Variants in SFTPB observed in about 807,000 individuals in gnomAD.
SFTPB encodes the protein surfactant protein B, also known as pulmonary surfactant-associated protein B.
Under a neutral mutation model 51.0 loss-of-function variants are expected in SFTPB, and 32 were observed. That is an observed-to-expected ratio of 0.63 (90% CI 0.47 to 0.84). SFTPB has a LOEUF of 0.84. Ranked by LOEUF, SFTPB falls within the 40% of genes least tolerant of loss-of-function variation. The pLI, the probability that SFTPB is intolerant of heterozygous loss-of-function variation, is 0.00. For synonymous variants in SFTPB, 211 were observed against 208.5 expected, an observed-to-expected ratio of 1.01 and a Z score of -0.10; for missense variants, 431 against 491.2, an observed-to-expected ratio of 0.88 and a Z score of 1.16.
Position 85,665,324 on chromosome 2 carries a change from C to T in SFTPB, c.637G>A (p.Ala213Thr). 1.9e-6 allele frequency: 3 copies of T among 1,614,052 alleles called. No individual in the cohort carries two copies. Among genetic ancestry groups the T allele is most frequent in the South Asian group, 1.1e-5 (1 of 91,078 alleles). ...ATGGCTTGGATCCGCTTGATCAGAG[C>T]CCTGCAGAGCCAGCAATAGGGGAGA... ...IPLPYCWLCR[A>T]LIKRIQAMIP... Residue 213 changes from alanine to threonine, a missense_variant, in exon 6 of 11, where the codon GCT becomes ACT. Coordinates refer to ENST00000519937, the MANE Select transcript of SFTPB (RefSeq NM_000542.5).
chr2:85,663,916 C>T, intron 6 of SFTPB, 69 bp from the exon 7 acceptor site: 3 of 1,411,834 alleles, frequency 2.1e-6, no homozygotes, highest in Non-Finnish European at 2.9e-6. Flanking sequence ...CTGCCCAGCA[C>T]CCAGCTGGGC....
chr2:85,663,817 A>ACACCTG lies in SFTPB; in HGVS notation c.697_702dup (p.Gln233_Val234dup), dbSNP rs1558574809. ...CCCGCCACCAGAGGTACCACGCGGC[A>ACACCTG]CACCTGGGCCACTGCCACAGCTAGC... On this transcript the variant is annotated inframe_insertion, in exon 7 of 11. Coordinates refer to ENST00000519937, the MANE Select transcript of SFTPB (RefSeq NM_000542.5). 6.3e-7 allele frequency: 1 copy of ACACCTG among 1,596,740 alleles called. No individual in the cohort carries two copies. Among genetic ancestry groups the ACACCTG allele is most frequent in the South Asian group, 1.1e-5 (1 of 88,846 alleles).
intron 6 of SFTPB, among the ~76,000 whole-genome samples, chr2:85,664,645 A>G (rs1677480956): frequency 6.6e-6 from 1 of 152,196 alleles, no homozygotes; most frequent in South Asian, 2.1e-4. Context: ...TATTCTTAGT[A>G]GAGACGGGGT....
intron 6 of SFTPB, among the ~76,000 whole-genome samples, chr2:85,665,064 G>T (rs1378966979): frequency 6.6e-6 from 1 of 152,162 alleles, no homozygotes; most frequent in Non-Finnish European, 1.5e-5. Flanking sequence ...ATACAGTGGG[G>T]GCTTAATGTT....
chr2:85,662,184 A>C, intron 8 of SFTPB, 75 bp from the exon 9 acceptor site: 1 of 1,555,892 alleles, frequency 6.4e-7, no homozygotes, highest in Non-Finnish European at 8.7e-7. Context: ...GCCTCTCCAC[A>C]TCTCTGGATC....
At chr2:85,660,286 T>TA (rs1677221395) in intron 10 of SFTPB, among the ~76,000 whole-genome samples, 1 of 123,774 alleles carries the variant, frequency 8.1e-6, no homozygotes, top group East Asian at 2.2e-4. Context: ...CACATCTGGC[T>TA]AATTTTTTTT....
At chr2:85,665,842 C>G in intron 4 of SFTPB, 48 bp from the exon 5 acceptor site, 1 of 1,587,984 alleles carries the variant, frequency 6.3e-7, no homozygotes, top group Non-Finnish European at 8.6e-7. Flanking sequence ...GAGGGAAGCC[C>G]ACCCCTATTC....
rs1223075612 is a variant in SFTPB, at chr2:85,668,133, G to A, written c.51C>T (p.Leu17=). The A allele has an allele frequency of 3.2e-6, 5 of 1,551,376 alleles. No individual in the cohort carries two copies. The highest frequency in any genetic ancestry group is 4.4e-6 in the Non-Finnish European group (5 of 1,146,826). The change falls in exon 1 of 11, where the codon CTC becomes CTT. Residue 17 remains leucine (L), a synonymous_variant. Coordinates refer to ENST00000519937, the MANE Select transcript of SFTPB (RefSeq NM_000542.5). ...GAGACTCACCAGTGCCTGGGCCACA[G>A]AGCGTGGGCAGCAGCAGCAGCAGCC... is the stretch of plus-strand genomic sequence containing the variant. ...LQWLLLLLPT[L]CGPGTAAWTT...
chr2:85,667,376 T>C (rs1375996146), intron 2 of SFTPB, among the ~76,000 whole-genome samples, 199 bp from the exon 3 acceptor site: 2 of 151,890 alleles, frequency 1.3e-5, no homozygotes, highest in South Asian at 4.1e-4. Context: ...TCCATCCATC[T>C]TTATTCTGTG....
chr2:85,664,682 GA>G (rs1437547145), intron 6 of SFTPB, among the ~76,000 whole-genome samples: 1 of 152,186 alleles, frequency 6.6e-6, no homozygotes, highest in Non-Finnish European at 1.5e-5. Context: ...AGCTGGTCTT[GA>G]ACTCCTGGGC....
At chr2:85,666,408 C>A in intron 4 of SFTPB, 4 of 450,434 alleles carry the variant, frequency 8.9e-6, no homozygotes, top group East Asian at 4.3e-5. Context: ...TGTGTGTGTC[C>A]GGCCAGCTGG....
In SFTPB at chr2:85,667,728, C is replaced by T. The variant is rs1218322078; in HGVS notation, c.146G>A (p.Cys49Tyr). The T allele has an allele frequency of 2.5e-6, 4 of 1,614,270 alleles. No homozygotes were observed. The highest frequency in any genetic ancestry group is 3.4e-6 in the Non-Finnish European group (4 of 1,180,044). ...CTGTAGGCAATGCCCTAGGGCTCTG[C>T]ACTGCAATGCTTGCTCCAGGCTTTG... ...WCQSLEQALQ[C>Y]RALGHCLQEV... Residue 49 changes from cysteine to tyrosine, a missense_variant, in exon 2 of 11, where the codon TGC (cysteine) becomes TAC (tyrosine). Coordinates refer to ENST00000519937, the MANE Select transcript of SFTPB (RefSeq NM_000542.5).
rs551707788 is a variant in SFTPB at position 85,659,376 on chromosome 2, G to A, written c.*326C>T. On this transcript the variant is annotated 3_prime_UTR_variant, in exon 11 of 11. Coordinates refer to ENST00000519937, the MANE Select transcript of SFTPB (RefSeq NM_000542.5). ...GCTGGTTTTTCCTGAGCCCAGCCCT[G>A]GGAGGTCGTGGTAGGTGTGGAGGCT... 2 of 152,360 alleles carry A rather than the reference G, an allele frequency of 1.3e-5. No individual in the cohort carries two copies. The highest frequency in any genetic ancestry group is 4.1e-4 in the South Asian group (2 of 4,824). The allele number at this position is 152,360 out of a possible 1,614,324, so 9.4% of individuals were successfully genotyped here.
intron 4 of SFTPB, 139 bp downstream of exon 4, chr2:85,666,478 T>C (rs1362752382): frequency 1.6e-5 from 13 of 819,484 alleles, no homozygotes; most frequent in Non-Finnish European, 2.3e-5. Context: ...TGTTTGTGTC[T>C]GGCCGGCTTG....
chr2:85,665,480 G>C, intron 5 of SFTPB, 102 bp from the exon 6 acceptor site: 1 of 1,434,482 alleles, frequency 7.0e-7, no homozygotes, highest in South Asian at 1.2e-5. Context: ...TCCTCCCTTA[G>C]GCCCTGCCTG....
chr2:85,663,974 A>C, intron 6 of SFTPB, 127 bp from the exon 7 acceptor site: 1 of 897,700 alleles, frequency 1.1e-6, no homozygotes, highest in Non-Finnish European at 1.7e-6. Context: ...GGGCAAGGCT[A>C]TTCACAAATA....
rs59023726 is a variant in SFTPB at position 85,666,493 on chromosome 2, CTGTGTGTG to C, written c.393+116_393+123del. On this transcript the variant is annotated intron_variant, in intron 4 of 10. Coordinates refer to ENST00000519937, the MANE Select transcript of SFTPB (RefSeq NM_000542.5). ...TGTTTGTGTCTGGCCGGCTTGGGTG[CTGTGTGTG>C]TGTGTGTGTGTGTGTGTGTGTCTGG... is the stretch of plus-strand genomic sequence containing the variant. 114 of 740,086 alleles carry C rather than the reference CTGTGTGTG, an allele frequency of 1.5e-4. 1 individual carries two copies. Among genetic ancestry groups the C allele is most frequent in the South Asian group, 6.7e-4 (39 of 57,990 alleles). 45.8% of individuals were successfully genotyped at this position (740,086 alleles called of 1,614,324 possible). A position where few individuals can be genotyped will look rare whatever the true frequency, so the allele number is the denominator to read the frequency against.
chr2:85,660,444 CTTTTTTTTTTT>C (rs67187198), intron 10 of SFTPB, among the ~76,000 whole-genome samples: 2 of 97,464 alleles, frequency 2.1e-5, no homozygotes, highest in Non-Finnish European at 3.8e-5. Flanking sequence ...AAAGAAATAC[CTTTTTTTTTTT>C]TTTTTTTTTC....
rs978078893 is a variant in SFTPB, at chr2:85,664,837, C to T, written c.672+452G>A. Among the ~76,000 whole-genome samples the T allele has an allele frequency of 3.9e-5, 6 of 152,298 alleles. No homozygotes were observed. In the East Asian group the frequency reaches 7.7e-4, roughly 20 times the overall value. On this transcript the variant is annotated intron_variant, in intron 6 of 10. Transcript: ENST00000519937. The stretch of plus-strand genomic sequence containing the variant: ...TTTGGGCAAGGTAGCCCTGGGCTGG[C>T]GGGGCCATTGGACAATAGCCACTGC...
Sources: allele counts gnomAD v4.1 joint callset (sites outside exome capture counted in the v4.1 genomes callset), GRCh38; gene constraint gnomAD v4.1.1; transcripts MANE v1.5; gene names NCBI Gene and HGNC (gene_info 2026-07-23, HGNC 2026-07-21).